QSER1: variants seen among roughly 807,000 people sequenced by gnomAD.
The protein encoded by QSER1 is glutamine and serine-rich protein 1.
Under a neutral mutation model 158.5 loss-of-function variants are expected in QSER1, and 49 were observed. The ratio of observed to expected loss-of-function variants is 0.31; its 90% CI spans 0.25 to 0.39. The LOEUF is 0.39. Among genes scored for constraint, QSER1 ranks in the 10% least tolerant of loss-of-function variants. The pLI is 1.00. For synonymous variants in QSER1, 650 were observed against 715.5 expected, an observed-to-expected ratio of 0.91 and a Z score of 1.46; for missense variants, 1,754 against 2,010.3, an observed-to-expected ratio of 0.87 and a Z score of 2.44.
rs760776651 is a variant in QSER1 at position 32,933,066 on chromosome 11, C to A, written c.1808C>A (p.Ser603Tyr). The A allele has an allele frequency of 1.2e-6, 2 of 1,613,652 alleles. No individual in the cohort carries two copies. The highest frequency in any genetic ancestry group is 1.7e-6 in the Non-Finnish European group (2 of 1,180,006). Residue 603 changes from serine to tyrosine, a missense_variant, in exon 4 of 13, where the codon TCT becomes TAT. Physicochemically the swap from Ser to Tyr is moderately radical, Grantham distance 144. Coordinates refer to ENST00000650167, the MANE Select transcript of QSER1 (RefSeq NM_001076786.3). ...CTAACATTAACAGCCCCTTCTCTTT[C>A]TTATTCTTCTGCCTCTCGGGCTCAG... ...ESLTLTAPSL[S>Y]YSSASRAQNL...
rs746814550 is a variant in QSER1 at position 32,928,129 on chromosome 11, T to C, written c.484+6T>C. ...GGCTCCATCCTGGCAGACAGGTGAT[T>C]TTCTGTTTCTAGAATTTTTAAGTCC... On this transcript the variant is annotated splice_donor_region_variant and intron_variant, in intron 3 of 12. Transcript: ENST00000650167. 6.3e-7 allele frequency: 1 copy of C among 1,583,132 alleles called. No homozygotes were observed. The highest frequency in any genetic ancestry group is 8.7e-7 in the Non-Finnish European group (1 of 1,152,078).
chr11:32,962,682 C>G (rs1207918088), intron 8 of QSER1, among the ~76,000 whole-genome samples: 2 of 152,150 alleles, frequency 1.3e-5, no homozygotes, highest in African/African-American at 4.8e-5. Context: ...CAAAAAATAG[C>G]ACTCATCAAT....
chr11:32,931,692 AAAGT>A lies in QSER1; in HGVS notation c.485-48_485-45del, dbSNP rs745358208. 5 of 1,383,224 alleles carry A rather than the reference AAAGT, an allele frequency of 3.6e-6. No homozygotes were observed. In the East Asian group the frequency reaches 1.1e-4, roughly 32 times the overall value. The allele number at this position is 1,383,224 out of a possible 1,614,324, so 85.7% of individuals were successfully genotyped here. A position where few individuals can be genotyped will look rare whatever the true frequency, so the allele number is the denominator to read the frequency against. On this transcript the variant is annotated intron_variant, in intron 3 of 12. Transcript: ENST00000650167. ...ATGTAAGTCATTACTATGAAAACAT[AAAGT>A]AATTGTGCCATAATTACATAAAAAT...
Position 32,973,386 on chromosome 11 carries a change from T to A in QSER1, c.5206-11T>A. The A allele has an allele frequency of 6.2e-7, 1 of 1,612,694 alleles. No individual in the cohort carries two copies. The highest frequency in any genetic ancestry group is 8.5e-7 in the Non-Finnish European group (1 of 1,179,566). ...TTCTGGTGTCAGTTATTTTGCTTCATTGTTTTCCAGAATGCTTTGGAAAGT... is the reference window on the plus strand; with the variant it reads ...TTCTGGTGTCAGTTATTTTGCTTCAATGTTTTCCAGAATGCTTTGGAAAGT... On this transcript the variant is annotated splice_polypyrimidine_tract_variant and intron_variant, in intron 10 of 12. Coordinates refer to ENST00000650167, the MANE Select transcript of QSER1 (RefSeq NM_001076786.3).
chr11:32,901,617 T>A (rs1452596812), intron 1 of QSER1, among the ~76,000 whole-genome samples: 1 of 152,284 alleles, frequency 6.6e-6, no homozygotes, highest in Non-Finnish European at 1.5e-5. Context: ...CTTCTGCCAG[T>A]CTGTTGGTCA....
chr11:32,941,252 CT>C (rs1248050230), intron 4 of QSER1, among the ~76,000 whole-genome samples: 8 of 149,610 alleles, frequency 5.3e-5, no homozygotes, highest in Non-Finnish European at 1.0e-4. Flanking sequence ...AATTATTATA[CT>C]TTAAGTTTTA....
chr11:32,943,730 A>G (rs1331746102), intron 4 of QSER1, among the ~76,000 whole-genome samples: 2 of 151,942 alleles, frequency 1.3e-5, no homozygotes, highest in African/African-American at 4.8e-5. Flanking sequence ...CTTTGGTATC[A>G]GAATGATGCT....
chr11:32,957,945 C>T lies in QSER1; in HGVS notation c.4828C>T (p.Pro1610Ser). ...ATCAAAAACTACAACTACAAAAGCCCCTTCCGTGAAACCCAAAGTTAAACA... is the reference window on the plus strand; with the variant it reads ...ATCAAAAACTACAACTACAAAAGCCTCTTCCGTGAAACCCAAAGTTAAACA... ...LASKTTTTKA[P>S]SVKPKVKQPK... The change falls in exon 8 of 13, where the codon CCT becomes TCT. Residue 1610 changes from proline (P) to serine (S), a missense_variant. Physicochemically the swap from Pro to Ser is moderately conservative, Grantham distance 74. Around this residue, in one of 2 missense-constraint regions of QSER1, gnomAD observed 1,707 missense variants for 1,919.6 expected, o/e 0.89. Transcript: ENST00000650167. 1 of 1,614,078 alleles carries T rather than the reference C, an allele frequency of 6.2e-7. No homozygotes were observed. Among genetic ancestry groups the T allele is most frequent in the Non-Finnish European group, 8.5e-7 (1 of 1,180,012 alleles).
At chr11:32,953,048 G>A (rs1197764671) in intron 4 of QSER1, among the ~76,000 whole-genome samples, 4 of 151,900 alleles carry the variant, frequency 2.6e-5, no homozygotes, top group South Asian at 2.1e-4. Flanking sequence ...TGATCTGCCC[G>A]CCTTGGCCTC....
intron 3 of QSER1, among the ~76,000 whole-genome samples, chr11:32,928,984 T>C (rs1202789570): frequency 2.0e-5 from 3 of 152,212 alleles, no homozygotes; most frequent in African/African-American, 7.2e-5. Context: ...AGTATATTCA[T>C]GCTGAAACTT....
Position 32,955,402 on chromosome 11 carries a change from C to T in QSER1, c.4607C>T (p.Ala1536Val), listed in dbSNP as rs1554930739. ...CGAGATGGTCAAAGAGAATTTGCTG[C>T]TACAAATAGTGTAAGTAAAATGCAT... The part of the protein sequence containing the change: ...EIRDGQREFA[A>V]TNSYLGYFGD... The change falls in exon 6 of 13, where the codon GCT becomes GTT. Residue 1536 changes from alanine (A) to valine (V), a missense_variant. Transcript: ENST00000650167. 1.7e-5 allele frequency: 27 copies of T among 1,547,414 alleles called. No homozygotes were observed. The South Asian group carries it at 3.2e-4, about 18-fold the overall frequency.
intron 1 of QSER1, among the ~76,000 whole-genome samples, chr11:32,894,211 T>C (rs1358635901): frequency 6.6e-6 from 1 of 152,160 alleles, no homozygotes; most frequent in Non-Finnish European, 1.5e-5. Context: ...CAAGGGAATC[T>C]AAAATTTTGA....
Position 32,933,269 on chromosome 11 carries a change from C to T in QSER1, c.2011C>T (p.Pro671Ser). ...TLQNNITSPD[P>S]KSYAERKLDS... ...ACAAAATAACATAACTTCCCCTGAC[C>T]CAAAGTCTTATGCTGAAAGAAAGCT... The change falls in exon 4 of 13, where the codon CCA becomes TCA. Residue 671 changes from proline to serine, a missense_variant. This residue lies in a region of QSER1 where 1,707 missense variants were observed against 1,919.6 expected (regional missense o/e 0.89). Coordinates refer to ENST00000650167, the MANE Select transcript of QSER1 (RefSeq NM_001076786.3). 1.9e-6 allele frequency: 3 copies of T among 1,612,366 alleles called. No individual in the cohort carries two copies. The highest frequency in any genetic ancestry group is 2.2e-5 in the South Asian group (2 of 90,658).
intron 4 of QSER1, among the ~76,000 whole-genome samples, chr11:32,936,576 A>G (rs1033988927): frequency 2.0e-5 from 3 of 152,198 alleles, no homozygotes; most frequent in Non-Finnish European, 4.4e-5. Flanking sequence ...TGTGCCAGGA[A>G]CTAGTAGCAA....
At chr11:32,916,499 G>A (rs570711036) in intron 1 of QSER1, among the ~76,000 whole-genome samples, 3 of 152,194 alleles carry the variant, frequency 2.0e-5, no homozygotes, top group African/African-American at 4.8e-5. Context: ...GAAATGTGTC[G>A]TTAGGTAATT....
At chr11:32,952,636 C>T (rs1305782255) in intron 4 of QSER1, among the ~76,000 whole-genome samples, 1 of 151,944 alleles carries the variant, frequency 6.6e-6, no homozygotes, top group African/African-American at 2.4e-5. Context: ...GAAGTGTTTC[C>T]TCCTATTGTT....
At chr11:32,908,159 G>T (rs1043872136) in intron 1 of QSER1, among the ~76,000 whole-genome samples, 1 of 151,986 alleles carries the variant, frequency 6.6e-6, no homozygotes, top group Non-Finnish European at 1.5e-5. Flanking sequence ...GGAAAACTTG[G>T]GACCAAAAAA....
chr11:32,901,034 T>G (rs1851618475), intron 1 of QSER1, among the ~76,000 whole-genome samples: 1 of 152,236 alleles, frequency 6.6e-6, no homozygotes, highest in South Asian at 2.1e-4. Flanking sequence ...CTTGTTCACA[T>G]CTGTACAAGG....
At chr11:32,973,310 C>A in intron 10 of QSER1, 87 bp from the exon 11 acceptor site, 2 of 1,391,490 alleles carry the variant, frequency 1.4e-6, no homozygotes, top group Admixed American at 1.8e-5. Context: ...TGTTTGTGTG[C>A]ACACACACTT....
Sources: gnomAD v4.1 joint callset for allele counts (sites outside exome capture counted in the v4.1 genomes callset) on GRCh38, gnomAD v4.1.1 for gene constraint, gnomAD v4.1.1 regional missense constraint, MANE v1.5 for transcripts, NCBI Gene and HGNC (gene_info 2026-07-23, HGNC 2026-07-21) for gene names.